The following CDH2 variants were observed in gnomAD, a reference collection of about 807,000 sequenced individuals.
The protein encoded by CDH2 is cadherin-2.
Under a neutral mutation model 92.0 loss-of-function variants are expected in CDH2, and 17 were observed. That is an observed-to-expected ratio of 0.18 (90% CI 0.13 to 0.28). The LOEUF is 0.28. Among genes scored for constraint, CDH2 ranks in the 10% least tolerant of loss-of-function variants. CDH2 has a pLI of 1.00. For missense variants in CDH2, 862 were observed against 1,133.1 expected (o/e 0.76, Z 3.44); for synonymous variants, 419 against 415.9 (o/e 1.01, Z -0.09).
At chr18:27,985,812 G>T (rs777603017) in intron 11 of CDH2, 51 bp from the exon 12 acceptor site, 3 of 1,057,774 alleles carry the variant, frequency 2.8e-6, no homozygotes, top group Admixed American at 4.2e-5. Context: ...TCTCCAATGA[G>T]CCTCAATTAT....
intron 2 of CDH2, among the ~76,000 whole-genome samples, chr18:28,014,738 AAAC>A (rs926640902): frequency 1.6e-4 from 25 of 152,304 alleles, no homozygotes; most frequent in South Asian, 1.0e-3. Context: ...CTTAAAAAAA[AAAC>A]AACTACTGCT....
chr18:28,096,794 C>T (rs2015142658), intron 2 of CDH2, among the ~76,000 whole-genome samples: 2 of 152,168 alleles, frequency 1.3e-5, no homozygotes, highest in South Asian at 2.1e-4. Context: ...ATGTGAAATG[C>T]CACGTGCACT....
intron 2 of CDH2, among the ~76,000 whole-genome samples, chr18:28,133,824 C>T (rs2015815930): frequency 6.6e-6 from 1 of 151,934 alleles, no homozygotes; most frequent in Non-Finnish European, 1.5e-5. Context: ...CGTGATGCTG[C>T]TTCATGATGG....
At chr18:28,174,334 G>C (rs1360060814) in intron 1 of CDH2, among the ~76,000 whole-genome samples, 3 of 151,758 alleles carry the variant, frequency 2.0e-5, no homozygotes, top group African/African-American at 7.3e-5. Flanking sequence ...TTTGTTGTTC[G>C]GGCGTGTAAA....
intron 6 of CDH2, among the ~76,000 whole-genome samples, chr18:28,004,568 A>G (rs1164354926): frequency 6.6e-6 from 1 of 152,192 alleles, no homozygotes; most frequent in Non-Finnish European, 1.5e-5. Flanking sequence ...CACATTTTAA[A>G]CAATTTTTGT....
chr18:28,016,153 T>C (rs1027662852), intron 2 of CDH2, among the ~76,000 whole-genome samples: 3 of 152,202 alleles, frequency 2.0e-5, no homozygotes, highest in Non-Finnish European at 4.4e-5. Context: ...TCCTGTCCAC[T>C]GAAACACACT....
downstream of CDH2, among the ~76,000 whole-genome samples, chr18:27,950,207 C>T (rs768854282): frequency 5.9e-5 from 9 of 151,876 alleles, no homozygotes; most frequent in Non-Finnish European, 7.4e-5. Flanking sequence ...TATAAAATAA[C>T]CTTTATGTTA....
chr18:27,989,368 C>T (rs1645093692), intron 10 of CDH2, among the ~76,000 whole-genome samples: 1 of 152,282 alleles, frequency 6.6e-6, no homozygotes, highest in African/African-American at 2.4e-5. Flanking sequence ...GATTTCAATA[C>T]ATCTATTAAC....
intron 2 of CDH2, among the ~76,000 whole-genome samples, chr18:28,014,604 A>G (rs2144040312): frequency 6.6e-6 from 1 of 152,316 alleles, no homozygotes; most frequent in African/African-American, 2.4e-5. Context: ...ACATATTTAA[A>G]AAATTTTAAA....
At chr18:28,084,306 T>C (rs891436884) in intron 2 of CDH2, among the ~76,000 whole-genome samples, 1 of 152,146 alleles carries the variant, frequency 6.6e-6, no homozygotes, top group Non-Finnish European at 1.5e-5. Flanking sequence ...AGGGAAGGGA[T>C]TTCCTTATTT....
chr18:28,048,297 C>T (rs1228420), intron 2 of CDH2, among the ~76,000 whole-genome samples: 10,246 of 149,074 alleles, frequency 0.069, 730 homozygotes, highest in African/African-American at 0.18. Flanking sequence ...ATGTTTTTAC[C>T]TCCATTTAGT....
At chr18:28,161,579 C>T (rs1392315607) in intron 1 of CDH2, among the ~76,000 whole-genome samples, 2 of 99,138 alleles carry the variant, frequency 2.0e-5, no homozygotes, top group Admixed American at 1.3e-4. Flanking sequence ...AACCCTGTCT[C>T]GAAAAAAAAA....
chr18:27,991,492 C>A (rs886653923), intron 9 of CDH2, among the ~76,000 whole-genome samples: 3 of 152,170 alleles, frequency 2.0e-5, no homozygotes, highest in Non-Finnish European at 4.4e-5. Context: ...ACTAGCCACA[C>A]GAAACCTTCC....
intron 13 of CDH2, 48 bp from the exon 14 acceptor site, chr18:27,983,131 C>G: frequency 6.7e-7 from 1 of 1,488,868 alleles, no homozygotes; most frequent in Non-Finnish European, 9.3e-7. Flanking sequence ...TTTTTAAAGC[C>G]TGGCCTATTT....
chr18:28,134,920 C>T (rs929736758), intron 2 of CDH2, among the ~76,000 whole-genome samples: 1 of 151,412 alleles, frequency 6.6e-6, no homozygotes, highest in African/African-American at 2.4e-5. Flanking sequence ...GATGGGAAAG[C>T]GGAAGGTGCC....
intron 1 of CDH2, among the ~76,000 whole-genome samples, chr18:28,148,799 A>C (rs1004493549): frequency 6.6e-6 from 1 of 152,230 alleles, no homozygotes; most frequent in African/African-American, 2.4e-5. Context: ...GGATGAAGCA[A>C]TGCAGGGCAG....
intron 1 of CDH2, among the ~76,000 whole-genome samples, chr18:28,162,592 A>C (rs566803263): frequency 3.9e-5 from 6 of 152,256 alleles, no homozygotes; most frequent in Admixed American, 1.3e-4. Context: ...TTGCTCCATG[A>C]AACTGAGATC....
At chr18:28,118,214 C>T (rs751582196) in intron 2 of CDH2, among the ~76,000 whole-genome samples, 2 of 151,644 alleles carry the variant, frequency 1.3e-5, no homozygotes, top group East Asian at 1.9e-4. Flanking sequence ...GTTAAAGAAC[C>T]GAGAGCAGTT....
At chr18:28,018,315 C>A (rs1244541480) in intron 2 of CDH2, among the ~76,000 whole-genome samples, 1 of 152,068 alleles carries the variant, frequency 6.6e-6, no homozygotes. Context: ...GACCATACTG[C>A]TAAAAGCAAT....
Sources: gnomAD v4.1 joint callset for allele counts (sites outside exome capture counted in the v4.1 genomes callset) on GRCh38, gnomAD v4.1.1 for gene constraint, MANE v1.5 for transcripts, NCBI Gene and HGNC (gene_info 2026-07-23, HGNC 2026-07-21) for gene names.